Variants in ABCA1 observed in about 807,000 individuals in gnomAD.
ABCA1 encodes the protein phospholipid-transporting ATPase ABCA1.
ABCA1 carries 133 observed loss-of-function variants against 262.5 expected under a neutral mutation model. The observed-to-expected ratio is 0.51, with a 90% CI of 0.44 to 0.59. The LOEUF (loss-of-function observed/expected upper bound fraction) is 0.59, where lower values mean the gene tolerates loss of function less well. Among genes scored for constraint, ABCA1 ranks in the 20% least tolerant of loss-of-function variants. The pLI is 0.00. For missense variants in ABCA1, 2,452 were observed against 2,777.5 expected, an observed-to-expected ratio of 0.88 and a Z score of 2.63; for synonymous variants, 1,022 against 1,043.5, an observed-to-expected ratio of 0.98 and a Z score of 0.40.
chr9:104,800,131 G>A (rs1420985372), intron 35 of ABCA1, 143 bp from the exon 36 acceptor site: 11 of 945,752 alleles, frequency 1.2e-5, no homozygotes, highest in South Asian at 6.9e-5. Flanking sequence ...CAGAGAATAT[G>A]GCGAAGTAAT....
intron 11 of ABCA1, among the ~76,000 whole-genome samples, chr9:104,836,459 C>T (rs2065412): frequency 0.71 from 107,333 of 152,106 alleles, 39,750 homozygotes; most frequent in East Asian, 0.95. Context: ...CACATTTGAA[C>T]CCAATTGTCT....
At chr9:104,917,473 G>A (rs953997057) in intron 1 of ABCA1, among the ~76,000 whole-genome samples, 2 of 152,080 alleles carry the variant, frequency 1.3e-5, no homozygotes, top group African/African-American at 2.4e-5. Context: ...AGGAGTAAGC[G>A]GCCGGGTGCG....
At chr9:104,814,755 G>A (rs956782797) in intron 25 of ABCA1, among the ~76,000 whole-genome samples, 1 of 152,182 alleles carries the variant, frequency 6.6e-6, no homozygotes, top group Non-Finnish European at 1.5e-5. Context: ...CAGCACTTTG[G>A]GAGGCCGAGG....
chr9:104,841,335 G>A (rs558308027), intron 8 of ABCA1, among the ~76,000 whole-genome samples: 31 of 152,238 alleles, frequency 2.0e-4, no homozygotes, highest in East Asian at 3.9e-4. Flanking sequence ...AGCTACTGGG[G>A]AGGCTGAGGC....
chr9:104,794,323 G>T, intron 40 of ABCA1, 64 bp downstream of exon 40: 1 of 1,611,474 alleles, frequency 6.2e-7, no homozygotes, highest in Non-Finnish European at 8.5e-7. Flanking sequence ...CAAAGTTCAG[G>T]GTACCAAGGC....
In ABCA1 at chr9:104,817,395, C is replaced by A; in HGVS notation, c.3472G>T (p.Val1158Phe). The change falls in exon 24 of 50, where the codon GTT becomes TTT. Residue 1158 changes from valine (V) to phenylalanine (F), a missense_variant. This residue lies in a region of ABCA1 where 665 missense variants were observed against 727.3 expected (regional missense o/e 0.91). Transcript: ENST00000374736. The surrounding 1 kb of genome is among the most constrained non-coding windows in gnomAD (Gnocchi z 4.7). ...TVSYLKKEDS[V>F]SQSSSDAGLG... ...CCAGCATCAGAACTGCTCTGAGAAA[C>A]ACTGTCCTCCTGATGGCAAAGAAGG... 1 of 1,614,250 alleles carries A rather than the reference C, an allele frequency of 6.2e-7. No homozygotes were observed.
chr9:104,816,220 G>A lies in ABCA1; in HGVS notation c.3661C>T (p.Leu1221Phe). 1 of 1,614,148 alleles carries A rather than the reference G, an allele frequency of 6.2e-7. No homozygotes were observed. The change falls in exon 25 of 50, where the codon CTC (leucine) becomes TTC (phenylalanine). Residue 1221 changes from leucine to phenylalanine, a missense_variant. Leu to Phe is a conservative substitution (Grantham distance 22). This residue lies in a region of ABCA1 where 665 missense variants were observed against 727.3 expected (regional missense o/e 0.91). Coordinates refer to ENST00000374736, the MANE Select transcript of ABCA1 (RefSeq NM_005502.4). ...EAAKEGAFVELFHEIDDRLSD... is the reference protein window; with the variant it reads ...EAAKEGAFVEFFHEIDDRLSD... ...AGCCGGTCATCAATCTCATGAAAGA[G>A]TTCCACAAAGGCTCCCTCCTTAGCA...
chr9:104,796,062 G>A lies in ABCA1; in HGVS notation c.5373C>T (p.Phe1791=). ...GSVATFVLEL[F]TDNKLNNIND... ...TCTCTGCATGACTCACATTGTCGGT[G>A]AACAGCTCCAGCACAAAGGTGGCCA... The change falls in exon 39 of 50, where the codon TTC becomes TTT. Residue 1791 remains phenylalanine (F), a synonymous_variant. Coordinates refer to ENST00000374736, the MANE Select transcript of ABCA1 (RefSeq NM_005502.4). 1 of 1,612,632 alleles carries A rather than the reference G, an allele frequency of 6.2e-7. No individual in the cohort carries two copies. The highest frequency in any genetic ancestry group is 8.5e-7 in the Non-Finnish European group (1 of 1,179,978).
chr9:104,887,913 G>A (rs896314369), intron 3 of ABCA1, among the ~76,000 whole-genome samples: 1 of 151,892 alleles, frequency 6.6e-6, no homozygotes, highest in African/African-American at 2.4e-5. Context: ...TTTTAGTAGA[G>A]ACGAGGTTCC....
chr9:104,875,834 C>T (rs1838114596), intron 5 of ABCA1, among the ~76,000 whole-genome samples: 2 of 152,140 alleles, frequency 1.3e-5, no homozygotes, highest in East Asian at 1.9e-4. Context: ...GTGCCATTCA[C>T]AGGGACCGCG....
intron 1 of ABCA1, among the ~76,000 whole-genome samples, chr9:104,915,206 C>T (rs1374189622): frequency 6.6e-6 from 1 of 152,230 alleles, no homozygotes; most frequent in Non-Finnish European, 1.5e-5. Flanking sequence ...GTATCGGCAG[C>T]CTTCTCCAGA....
At chr9:104,901,445 C>A (rs1196418682) in intron 2 of ABCA1, among the ~76,000 whole-genome samples, 1 of 152,166 alleles carries the variant, frequency 6.6e-6, no homozygotes, top group Non-Finnish European at 1.5e-5. Context: ...CTTCCCACTA[C>A]TCACTAATGG....
chr9:104,826,897 A>G, intron 16 of ABCA1, 51 bp downstream of exon 16: 1 of 1,547,956 alleles, frequency 6.5e-7, no homozygotes, highest in Non-Finnish European at 8.9e-7. Flanking sequence ...CAGGGACTCC[A>G]AAGGAAGGTC....
intron 19 of ABCA1, among the ~76,000 whole-genome samples, chr9:104,822,160 T>C (rs754258341): frequency 1.4e-4 from 22 of 152,166 alleles, no homozygotes; most frequent in Non-Finnish European, 2.5e-4. Context: ...TTCTCACATC[T>C]GCTTAGAGAC....
chr9:104,880,629 T>C (rs1230902755), intron 5 of ABCA1, among the ~76,000 whole-genome samples: 4 of 152,112 alleles, frequency 2.6e-5, no homozygotes, highest in African/African-American at 9.7e-5. Context: ...TTTCCCCCTA[T>C]ACTGAAGCCT....
Position 104,837,200 on chromosome 9 carries a change from T to C in ABCA1, c.1195-104A>G, listed in dbSNP as rs2297400. ...AAGATACCCCATCACAGCAGCCCTG[T>C]GCCAGTCCTCCCCATCCCCAAGAAA... On this transcript the variant is annotated intron_variant, in intron 10 of 49. Transcript: ENST00000374736. 188,925 of 1,095,894 alleles carry C rather than the reference T, an allele frequency of 0.17. 23,744 individuals carry two copies. Among genetic ancestry groups the C allele is most frequent in the East Asian group, 0.67 (27,167 of 40,698 alleles). The allele number at this position is 1,095,894 out of a possible 1,614,324, so 67.9% of individuals were successfully genotyped here. A position where few individuals can be genotyped will look rare whatever the true frequency, so the allele number is the denominator to read the frequency against.
At chr9:104,837,314 A>G (rs1407849279) in intron 10 of ABCA1, 114 bp downstream of exon 10, 14 of 1,432,612 alleles carry the variant, frequency 9.8e-6, no homozygotes, top group South Asian at 2.5e-5. Flanking sequence ...CACTCTGGGA[A>G]TTCCAGAAGA....
chr9:104,900,751 C>T (rs982157915), intron 2 of ABCA1, among the ~76,000 whole-genome samples: 10 of 152,228 alleles, frequency 6.6e-5, no homozygotes, highest in African/African-American at 1.7e-4. Flanking sequence ...AGCCCCAGTT[C>T]TGTCAGCTGT....
intron 40 of ABCA1, among the ~76,000 whole-genome samples, 175 bp from the exon 41 acceptor site, chr9:104,793,475 T>A (rs1829610361): frequency 6.6e-6 from 1 of 151,940 alleles, no homozygotes. Flanking sequence ...CCAAGTCTGA[T>A]TTGGGAAAAC....
Sources: gnomAD v4.1 joint callset for allele counts (sites outside exome capture counted in the v4.1 genomes callset) on GRCh38, gnomAD v4.1.1 for gene constraint, gnomAD v4.1.1 regional missense constraint, Gnocchi (gnomAD v3.1) non-coding constraint, MANE v1.5 for transcripts, NCBI Gene and HGNC (gene_info 2026-07-23, HGNC 2026-07-21) for gene names.